KCNMB2: variants seen among roughly 807,000 people sequenced by gnomAD.
KCNMB2 encodes the protein potassium calcium-activated channel subfamily M regulatory beta subunit 2.
Under a neutral mutation model 24.5 loss-of-function variants are expected in KCNMB2, and 9 were observed. That is an observed-to-expected ratio of 0.37 (90% confidence interval 0.22 to 0.64). The LOEUF (loss-of-function observed/expected upper bound fraction) is 0.64. KCNMB2 is among the 30% of genes least tolerant of loss of function. The pLI, the probability that KCNMB2 is intolerant of heterozygous loss-of-function variation, is 0.63. For synonymous variants in KCNMB2, 109 were observed against 104.4 expected (o/e 1.04, Z -0.27); for missense variants, 226 against 284.3 (o/e 0.79, Z 1.47).
At chr3:178,738,971 T>C (rs533910182) in intron 1 of KCNMB2, among the ~76,000 whole-genome samples, 28 of 152,278 alleles carry the variant, frequency 1.8e-4, no homozygotes, top group Non-Finnish European at 3.2e-4. Context: ...AAAATAATGC[T>C]GTGCAGGACA....
chr3:178,618,374 C>G (rs1718790776), intron 1 of KCNMB2, among the ~76,000 whole-genome samples: 2 of 152,034 alleles, frequency 1.3e-5, no homozygotes, highest in Non-Finnish European at 2.9e-5. Flanking sequence ...TTATTTTATC[C>G]TCATAAGCCA....
intron 1 of KCNMB2, among the ~76,000 whole-genome samples, chr3:178,568,718 G>A (rs1716618434): frequency 6.6e-6 from 1 of 151,176 alleles, no homozygotes; most frequent in Non-Finnish European, 1.5e-5. Flanking sequence ...TATCCTACCT[G>A]GAATGTGTAG....
intron 1 of KCNMB2, among the ~76,000 whole-genome samples, chr3:178,617,828 T>C (rs1456343554): frequency 2.0e-5 from 3 of 148,208 alleles, no homozygotes; most frequent in Admixed American, 6.8e-5. Flanking sequence ...GAGGCAGAGA[T>C]TGCAGCGAGC....
At chr3:178,698,826 T>C (rs1235171794) in intron 1 of KCNMB2, among the ~76,000 whole-genome samples, 2 of 152,192 alleles carry the variant, frequency 1.3e-5, no homozygotes, top group Non-Finnish European at 2.9e-5. Context: ...GAGATTTAAT[T>C]GTGGTATAAG....
At chr3:178,797,368 C>T (rs559102238) in intron 1 of KCNMB2, among the ~76,000 whole-genome samples, 2 of 152,282 alleles carry the variant, frequency 1.3e-5, no homozygotes, top group East Asian at 1.9e-4. Context: ...GTAGGGAACA[C>T]TTCCAAACTC....
At chr3:178,579,662 G>A (rs1338288302) in intron 1 of KCNMB2, among the ~76,000 whole-genome samples, 1 of 152,014 alleles carries the variant, frequency 6.6e-6, no homozygotes, top group East Asian at 1.9e-4. Context: ...GAATCAAATA[G>A]ACACAATAAA....
At chr3:178,595,270 G>A (rs910309566) in intron 1 of KCNMB2, among the ~76,000 whole-genome samples, 9 of 152,074 alleles carry the variant, frequency 5.9e-5, no homozygotes, top group African/African-American at 1.9e-4. Flanking sequence ...GTTATTATCC[G>A]TGATTTAAAT....
intron 1 of KCNMB2, among the ~76,000 whole-genome samples, chr3:178,704,978 C>A (rs376409837): frequency 6.6e-5 from 10 of 152,212 alleles, no homozygotes; most frequent in African/African-American, 2.2e-4. Flanking sequence ...ACCATCACCA[C>A]TATCATCCTT....
At chr3:178,716,241 T>C (rs1374603342) in intron 1 of KCNMB2, among the ~76,000 whole-genome samples, 2 of 152,212 alleles carry the variant, frequency 1.3e-5, no homozygotes, top group East Asian at 1.9e-4. Context: ...ACATTGATAG[T>C]ATCAAATATT....
At position 178,757,934 on chromosome 3, in the gene KCNMB2, T is replaced by C. The variant is rs116143279; in HGVS notation, c.-67-49409T>C. On this transcript the variant is annotated intron_variant, in intron 1 of 4. Transcript: ENST00000452583. ...ATATATATCCAAGAGGATATATATA[T>C]ACACAAGGGGATATATAGACACAAG... 6.0e-4 allele frequency among the ~76,000 whole-genome samples: 58 copies of C among 96,060 alleles called. 9 individuals carry two copies. The highest frequency in any genetic ancestry group is 1.2e-3 in the Non-Finnish European group (47 of 40,748). The allele number at this position is 96,060 out of a possible 152,430, so 63.0% of individuals were successfully genotyped here.
chr3:178,818,898 T>C (rs1204817671), intron 2 of KCNMB2, among the ~76,000 whole-genome samples: 1 of 143,280 alleles, frequency 7.0e-6, no homozygotes, highest in African/African-American at 2.8e-5. Context: ...CACACTCTAC[T>C]ACCTCTATTC....
intron 1 of KCNMB2, among the ~76,000 whole-genome samples, chr3:178,579,900 C>T (rs1236078377): frequency 2.6e-5 from 4 of 151,940 alleles, no homozygotes; most frequent in East Asian, 3.9e-4. Flanking sequence ...ACCAAAAAAG[C>T]CCAGGACCAG....
intron 1 of KCNMB2, among the ~76,000 whole-genome samples, chr3:178,655,706 G>A (rs1169860967): frequency 2.0e-5 from 3 of 152,326 alleles, no homozygotes; most frequent in African/African-American, 7.2e-5. Context: ...GGCCAGGAAC[G>A]CCCAGGTCCT....
intron 1 of KCNMB2, among the ~76,000 whole-genome samples, chr3:178,634,668 G>A (rs1719448412): frequency 6.6e-6 from 1 of 152,090 alleles, no homozygotes; most frequent in Non-Finnish European, 1.5e-5. Context: ...ATATCACACG[G>A]TTTGGTCTAA....
intron 1 of KCNMB2, among the ~76,000 whole-genome samples, chr3:178,580,415 C>T (rs1717156237): frequency 6.6e-6 from 1 of 152,192 alleles, no homozygotes; most frequent in Non-Finnish European, 1.5e-5. Flanking sequence ...CAATATCATA[C>T]TGAATGGGCA....
chr3:178,752,630 A>G (rs572401615), intron 1 of KCNMB2, among the ~76,000 whole-genome samples: 82 of 152,332 alleles, frequency 5.4e-4, no homozygotes, highest in African/African-American at 1.9e-3. Flanking sequence ...GAGAAAATAC[A>G]GATCATACCC....
chr3:178,825,811 C>T, intron 3 of KCNMB2, 53 bp downstream of exon 3: 1 of 1,463,804 alleles, frequency 6.8e-7, no homozygotes, highest in Admixed American at 1.8e-5. Context: ...CTCCATCCTC[C>T]CCCATCACTT....
chr3:178,710,068 T>C (rs868307670), intron 1 of KCNMB2, among the ~76,000 whole-genome samples: 1 of 152,196 alleles, frequency 6.6e-6, no homozygotes, highest in South Asian at 2.1e-4. Context: ...TACCTATCCA[T>C]TCAGATAACC....
chr3:178,571,295 A>AAGT, intron 1 of KCNMB2, among the ~76,000 whole-genome samples: 1 of 151,522 alleles, frequency 6.6e-6, no homozygotes, highest in Non-Finnish European at 1.5e-5. Context: ...CTTTTACCAC[A>AAGT]AGTGACTCTG....
Sources: gnomAD v4.1 joint callset for allele counts (sites outside exome capture counted in the v4.1 genomes callset) on GRCh38, gnomAD v4.1.1 for gene constraint, MANE v1.5 for transcripts, NCBI Gene and HGNC (gene_info 2026-07-23, HGNC 2026-07-21) for gene names.